RAP1A: variants seen among roughly 807,000 people sequenced by gnomAD.
RAP1A encodes RAP1A, member of RAS oncogene family, also known as ras-related protein Rap-1A.
In RAP1A, 6 loss-of-function variants were observed where a neutral mutation model predicts 26.4. That is an observed-to-expected ratio of 0.23 (90% CI 0.12 to 0.45). The LOEUF (loss-of-function observed/expected upper bound fraction) is 0.45. Ranked by LOEUF, RAP1A falls within the 20% of genes least tolerant of loss-of-function variation. The pLI is 0.99. For missense variants in RAP1A, 121 were observed against 217.2 expected, an observed-to-expected ratio of 0.56 and a Z score of 2.78; for synonymous variants, 73 against 79.4, an observed-to-expected ratio of 0.92 and a Z score of 0.43.
chr1:111,575,971 G>C (rs1658140299), intron 1 of RAP1A, among the ~76,000 whole-genome samples: 1 of 152,126 alleles, frequency 6.6e-6, no homozygotes, highest in Non-Finnish European at 1.5e-5. Context: ...ACATACAAAA[G>C]GGAATCAGTA....
At chr1:111,554,631 C>T (rs966068847) in intron 1 of RAP1A, among the ~76,000 whole-genome samples, 1 of 152,154 alleles carries the variant, frequency 6.6e-6, no homozygotes, top group Admixed American at 6.5e-5. Flanking sequence ...ACATATACCC[C>T]TCAAAGGAAT....
intron 1 of RAP1A, among the ~76,000 whole-genome samples, chr1:111,613,230 T>C (rs1489578970): frequency 1.3e-5 from 2 of 151,890 alleles, no homozygotes; most frequent in Admixed American, 6.6e-5. Context: ...GACGGAGTCT[T>C]GCTCTGTCAC....
chr1:111,643,801 ACATT>A (rs1015711426), intron 1 of RAP1A, among the ~76,000 whole-genome samples: 103 of 152,370 alleles, frequency 6.8e-4, no homozygotes, highest in African/African-American at 2.4e-3. Context: ...GACCATACAC[ACATT>A]CACATACCAT....
chr1:111,644,173 G>A (rs1353882667), intron 1 of RAP1A, among the ~76,000 whole-genome samples: 1 of 151,722 alleles, frequency 6.6e-6, no homozygotes, highest in Non-Finnish European at 1.5e-5. Context: ...CCAACTAACC[G>A]TTACATGGTT....
Position 111,709,137 on chromosome 1 carries a change from G to C in RAP1A, c.469-12G>C. 5 of 1,593,402 alleles carry C rather than the reference G, an allele frequency of 3.1e-6. No individual in the cohort carries two copies. The highest frequency in any genetic ancestry group is 4.3e-6 in the Non-Finnish European group (5 of 1,174,388). ...TGGTGGAGTAAGTACTTTTTTTCTT[G>C]TTTTTACTTAGATATTTTATGACCT... On this transcript the variant is annotated splice_polypyrimidine_tract_variant and intron_variant, in intron 6 of 7. Transcript: ENST00000369709.
At chr1:111,634,091 T>G (rs1170480794) in intron 1 of RAP1A, among the ~76,000 whole-genome samples, 1 of 152,224 alleles carries the variant, frequency 6.6e-6, no homozygotes, top group Non-Finnish European at 1.5e-5. Context: ...ACATGTTCAG[T>G]GTCCTCTGTG....
chr1:111,606,000 G>C (rs1037348467), intron 1 of RAP1A, among the ~76,000 whole-genome samples: 15 of 152,182 alleles, frequency 9.9e-5, no homozygotes, highest in African/African-American at 3.6e-4. Flanking sequence ...CGTCACCAGG[G>C]GCAAGCTGAG....
chr1:111,584,134 G>A (rs904040376), intron 1 of RAP1A, among the ~76,000 whole-genome samples: 4 of 151,828 alleles, frequency 2.6e-5, no homozygotes, highest in East Asian at 1.9e-4. Context: ...CACCCGCCTC[G>A]GCCTCTCAAA....
intron 5 of RAP1A, 143 bp from the exon 6 acceptor site, chr1:111,704,200 A>G (rs1381423438): frequency 1.0e-5 from 8 of 768,860 alleles, no homozygotes; most frequent in East Asian, 9.0e-5. Flanking sequence ...TCCCCTCAAC[A>G]TATACTTTTC....
intron 1 of RAP1A, among the ~76,000 whole-genome samples, chr1:111,572,734 G>A (rs1658074112): frequency 6.6e-6 from 1 of 152,174 alleles, no homozygotes; most frequent in South Asian, 2.1e-4. Context: ...CTGGGACACA[G>A]AACTTTCTCT....
chr1:111,664,928 C>T (rs2101166763), intron 1 of RAP1A, among the ~76,000 whole-genome samples: 1 of 152,286 alleles, frequency 6.6e-6, no homozygotes, highest in South Asian at 2.1e-4. Flanking sequence ...TATATAACAG[C>T]ATAATATATT....
chr1:111,555,362 TAAAAAAA>T (rs397981230), intron 1 of RAP1A, among the ~76,000 whole-genome samples: 3 of 47,650 alleles, frequency 6.3e-5, no homozygotes, highest in Non-Finnish European at 9.8e-5. Flanking sequence ...TGAGACTCTG[TAAAAAAA>T]AAAAAAAAAA....
chr1:111,677,795 C>T (rs894384049), intron 1 of RAP1A, among the ~76,000 whole-genome samples: 1 of 152,144 alleles, frequency 6.6e-6, no homozygotes, highest in Non-Finnish European at 1.5e-5. Flanking sequence ...TCGTATTGGT[C>T]ACATGACGAA....
In RAP1A at chr1:111,631,788, T is replaced by C. The variant is rs140964059; in HGVS notation, c.-28+11854T>C. On this transcript the variant is annotated intron_variant, in intron 1 of 7. Transcript: ENST00000369709. ...GAAATAAAGTGACTTAACCTGTCTT[T>C]TTTTCCATAAATCATACGGTGAAAA... Among the ~76,000 whole-genome samples, 1,085 of 152,286 alleles carry C rather than the reference T, an allele frequency of 7.1e-3. 17 individuals are homozygous for C. The highest frequency in any genetic ancestry group is 0.024 in the African/African-American group (1,013 of 41,556).
At chr1:111,691,525 A>G in intron 2 of RAP1A, 108 bp downstream of exon 2, 1 of 892,744 alleles carries the variant, frequency 1.1e-6, no homozygotes, top group Non-Finnish European at 1.8e-6. Flanking sequence ...GCATTATTAT[A>G]TATCTGATAT....
intron 1 of RAP1A, chr1:111,599,765 T>C (rs1658633755): frequency 6.6e-6 from 1 of 152,138 alleles, no homozygotes; most frequent in Non-Finnish European, 1.5e-5. Flanking sequence ...TGACATGGTT[T>C]GGATGTTTGT....
At chr1:111,680,081 G>A (rs1661245297) in intron 1 of RAP1A, among the ~76,000 whole-genome samples, 1 of 152,130 alleles carries the variant, frequency 6.6e-6, no homozygotes, top group South Asian at 2.1e-4. Flanking sequence ...CCTGATCCCT[G>A]TGCCTCCTGA....
chr1:111,613,831 C>G (rs1246150063), intron 1 of RAP1A, among the ~76,000 whole-genome samples: 1 of 152,224 alleles, frequency 6.6e-6, no homozygotes, highest in Non-Finnish European at 1.5e-5. Flanking sequence ...CATCAACAAT[C>G]TATGGACCAC....
intron 1 of RAP1A, among the ~76,000 whole-genome samples, chr1:111,630,328 G>T (rs1029429878): frequency 2.0e-5 from 3 of 152,062 alleles, no homozygotes; most frequent in Non-Finnish European, 4.4e-5. Context: ...TCTTGACTAA[G>T]AAATCATTCC....
Sources: gnomAD v4.1 joint callset for allele counts (sites outside exome capture counted in the v4.1 genomes callset) on GRCh38, gnomAD v4.1.1 for gene constraint, MANE v1.5 for transcripts, NCBI Gene and HGNC (gene_info 2026-07-23, HGNC 2026-07-21) for gene names.